BDNF: variants seen among roughly 807,000 people sequenced by gnomAD.
BDNF encodes the protein neurotrophic factor BDNF precursor form.
A neutral mutation model predicts 19.5 loss-of-function variants in BDNF; 1 was observed. The ratio of observed to expected loss-of-function variants is 0.05; its 90% CI spans 0.02 to 0.24. BDNF has a LOEUF of 0.24. Ranked by LOEUF, BDNF falls within the 10% of genes least tolerant of loss-of-function variation. The probability of loss-of-function intolerance (pLI) is 1.00; values close to 1 mark genes in which losing one functional copy is unlikely to be tolerated. For missense variants in BDNF, 195 were observed against 317.6 expected, an observed-to-expected ratio of 0.61 and a Z score of 2.93; for synonymous variants, 100 against 121.6, an observed-to-expected ratio of 0.82 and a Z score of 1.17.
At chr11:27,719,301 C>G (rs1015801123) in intron 1 of BDNF, among the ~76,000 whole-genome samples, 10 of 152,228 alleles carry the variant, frequency 6.6e-5, no homozygotes, top group African/African-American at 2.4e-4. Flanking sequence ...CGCCTCCGGA[C>G]GCAACCTCGC....
At chr11:27,699,645 T>G in intron 1 of BDNF, 1 of 1,432,580 alleles carries the variant, frequency 7.0e-7, no homozygotes, top group Non-Finnish European at 9.1e-7. Context: ...CAGTCTCAAT[T>G]CCTGGGGAGC....
chr11:27,681,286 G>A (rs1472126764), intron 1 of BDNF, among the ~76,000 whole-genome samples: 1 of 152,170 alleles, frequency 6.6e-6, no homozygotes, highest in Non-Finnish European at 1.5e-5. Context: ...CTCATGAAGT[G>A]TCTGTTTAGG....
intron 1 of BDNF, among the ~76,000 whole-genome samples, chr11:27,665,790 C>A (rs1854203551): frequency 6.6e-6 from 1 of 152,160 alleles, no homozygotes; most frequent in Admixed American, 6.5e-5. Context: ...TGGGTGGAGC[C>A]CACCGCAGCT....
intron 1 of BDNF, among the ~76,000 whole-genome samples, chr11:27,673,656 C>A (rs1047739640): frequency 6.6e-6 from 1 of 152,136 alleles, no homozygotes; most frequent in African/African-American, 2.4e-5. Context: ...CCCAGTTTTT[C>A]CACAGACGGT....
chr11:27,674,249 T>C (rs748392649), intron 1 of BDNF: 2 of 1,581,170 alleles, frequency 1.3e-6, no homozygotes, highest in Non-Finnish European at 1.7e-6. Context: ...GGATTAACCT[T>C]GTGCACTCAT....
chr11:27,664,821 C>A (rs528660640), intron 1 of BDNF, among the ~76,000 whole-genome samples: 19 of 152,014 alleles, frequency 1.2e-4, no homozygotes, highest in Non-Finnish European at 2.1e-4. Context: ...TGAAGGCTCC[C>A]GATAGCCAGA....
At chr11:27,717,978 C>G (rs1201274657) in intron 1 of BDNF, among the ~76,000 whole-genome samples, 2 of 152,036 alleles carry the variant, frequency 1.3e-5, no homozygotes, top group African/African-American at 4.8e-5. Flanking sequence ...CATTTTTCCT[C>G]CCAGAGACAC....
intron 1 of BDNF, among the ~76,000 whole-genome samples, chr11:27,683,441 T>A (rs1337806065): frequency 6.6e-6 from 1 of 152,244 alleles, no homozygotes; most frequent in African/African-American, 2.4e-5. Flanking sequence ...TTGGCTTTTG[T>A]TGCCATTGCT....
intron 1 of BDNF, among the ~76,000 whole-genome samples, chr11:27,686,405 T>G (rs1857491352): frequency 6.6e-6 from 1 of 152,214 alleles, no homozygotes; most frequent in Non-Finnish European, 1.5e-5. Flanking sequence ...ATATTTAAGG[T>G]TAATATTGTT....
At chr11:27,707,794 TG>T (rs1860168697) in intron 1 of BDNF, among the ~76,000 whole-genome samples, 1 of 152,190 alleles carries the variant, frequency 6.6e-6, no homozygotes, top group Admixed American at 6.5e-5. Context: ...GTATGTACTC[TG>T]GGAAATTACT....
At chr11:27,710,516 A>G (rs1036598322) in intron 1 of BDNF, among the ~76,000 whole-genome samples, 3 of 152,230 alleles carry the variant, frequency 2.0e-5, no homozygotes, top group Admixed American at 1.3e-4. Context: ...GAAAGTTCCA[A>G]GTTTGGAGTG....
upstream of BDNF, chr11:27,701,019 T>C (rs992722712): frequency 7.3e-7 from 1 of 1,361,234 alleles, no homozygotes; most frequent in South Asian, 1.2e-5. Context: ...GAGCACACAA[T>C]GAAATCGCAC....
chr11:27,672,098 T>C (rs1031128407), intron 1 of BDNF, among the ~76,000 whole-genome samples: 1 of 152,208 alleles, frequency 6.6e-6, no homozygotes, highest in Non-Finnish European at 1.5e-5. Context: ...TTTGCTTTTG[T>C]GTTTTTACTT....
rs371505394 is a variant in BDNF, at chr11:27,709,242, G to T, written c.3+12170C>A. ...ATTTTGTCGCTGAAAATCAAATAAA[G>T]CTGTTGTCCAATCTCAGATAAAAGA... On this transcript the variant is annotated intron_variant, in intron 1 of 1. Transcript: ENST00000314915. Among the ~76,000 whole-genome samples, 107 of 152,244 alleles carry T rather than the reference G, an allele frequency of 7.0e-4. 5 individuals are homozygous for T. The South Asian group carries it at 0.022, about 31-fold the overall frequency.
upstream of BDNF, chr11:27,700,655 TC>T (rs1213192553): frequency 5.0e-6 from 5 of 1,000,158 alleles, no homozygotes; most frequent in Non-Finnish European, 6.0e-6. Context: ...AACTCCCCGC[TC>T]CCCCGGGGCC....
At chr11:27,721,137 A>C (rs1308345363) in intron 1 of BDNF, among the ~76,000 whole-genome samples, 1 of 152,080 alleles carries the variant, frequency 6.6e-6, no homozygotes, top group Non-Finnish European at 1.5e-5. Context: ...AAAGAATAGA[A>C]TGCAAGACTG....
rs530489347 is a variant in BDNF at position 27,656,774 on chromosome 11, T to C, written c.*1047A>G. 3 of 985,204 alleles carry C rather than the reference T, an allele frequency of 3.0e-6. No individual in the cohort carries two copies. Among genetic ancestry groups the C allele is most frequent in the Non-Finnish European group, 3.6e-6 (3 of 829,880 alleles). 61.0% of individuals were successfully genotyped at this position (985,204 alleles called of 1,614,324 possible). ...AATGTTCACTCCTCATAAAAAATAA[T>C]CTTCATTTTGGGGTTATTTTTTGTT... is the stretch of plus-strand genomic sequence containing the variant. On this transcript the variant is annotated 3_prime_UTR_variant, in exon 2 of 2. Coordinates refer to ENST00000356660, the MANE Select transcript of BDNF (RefSeq NM_001709.5).
chr11:27,721,598 C>G, exon 1 of BDNF: 1 of 684,490 alleles, frequency 1.5e-6, no homozygotes, highest in Non-Finnish European at 2.6e-6. Context: ...AGCTTAAACT[C>G]TCAACCACCT....
rs529348093 is a variant in BDNF, at chr11:27,657,594, A to G, written c.*227T>C. 1 of 1,329,288 alleles carries G rather than the reference A, an allele frequency of 7.5e-7. No homozygotes were observed. Among genetic ancestry groups the G allele is most frequent in the African/African-American group, 1.5e-5 (1 of 68,112 alleles). The allele number at this position is 1,329,288 out of a possible 1,614,324, so 82.3% of individuals were successfully genotyped here. ...ACGGCAACAAACCACAACATTATCA[A>G]GGAATGTAATGCAGACTTTTTAAGT... On this transcript the variant is annotated 3_prime_UTR_variant, in exon 2 of 2. Transcript: ENST00000356660. The surrounding 1 kb of genome is among the most constrained non-coding windows in gnomAD (Gnocchi z 5.0).
Sources: allele counts gnomAD v4.1 joint callset (sites outside exome capture counted in the v4.1 genomes callset), GRCh38; gene constraint gnomAD v4.1.1; non-coding constraint Gnocchi (gnomAD v3.1); transcripts MANE v1.5; gene names NCBI Gene and HGNC (gene_info 2026-07-23, HGNC 2026-07-21).